BAZ2B: variants seen among roughly 807,000 people sequenced by gnomAD.
The protein encoded by BAZ2B is bromodomain adjacent to zinc finger domain 2B, also known as bromodomain adjacent to zinc finger domain protein 2B.
In BAZ2B, 91 loss-of-function variants were observed where a neutral mutation model predicts 246.0. The observed-to-expected ratio is 0.37, with a 90% CI of 0.31 to 0.44. The LOEUF (loss-of-function observed/expected upper bound fraction) is 0.44. Ranked by LOEUF, BAZ2B falls within the 20% of genes least tolerant of loss-of-function variation. The pLI, the probability that BAZ2B is intolerant of heterozygous loss-of-function variation, is 1.00. For missense variants in BAZ2B, 2,332 were observed against 2,533.7 expected (o/e 0.92, Z 1.71); for synonymous variants, 855 against 860.0 (o/e 0.99, Z 0.10).
intron 3 of BAZ2B, among the ~76,000 whole-genome samples, chr2:159,474,170 C>T (rs756348295): frequency 4.6e-5 from 7 of 152,110 alleles, no homozygotes; most frequent in Non-Finnish European, 1.0e-4. Context: ...TTAAGTCATC[C>T]ACTGTTACTG....
the BAZ2B span, among the ~76,000 whole-genome samples, chr2:159,644,192 T>C: frequency 6.6e-6 from 1 of 152,344 alleles, no homozygotes; most frequent in Middle Eastern, 3.4e-3. Flanking sequence ...GCTATGAACT[T>C]GTGAAACCAG....
chr2:159,561,740 A>G (rs1051329004), intron 1 of BAZ2B, among the ~76,000 whole-genome samples: 1 of 152,174 alleles, frequency 6.6e-6, no homozygotes, highest in African/African-American at 2.4e-5. Context: ...TATTTTCTCC[A>G]TTTTTTATAA....
chr2:159,396,937 T>C, intron 19 of BAZ2B: 1 of 478,290 alleles, frequency 2.1e-6, no homozygotes, highest in Non-Finnish European at 3.3e-6. Flanking sequence ...ATGTATGCAA[T>C]GCACTGTGCT....
Position 159,348,965 on chromosome 2 carries a change from T to C in BAZ2B, c.5137+42A>G, listed in dbSNP as rs755477775. 5 of 1,598,202 alleles carry C rather than the reference T, an allele frequency of 3.1e-6. No individual in the cohort carries two copies. In the African/African-American group the frequency reaches 6.7e-5, roughly 22 times the overall value. ...GTTATAATACAGGAATCCATAATAT[T>C]GAAATTGAGTAAGTGGCTGTAAACC... On this transcript the variant is annotated intron_variant, in intron 29 of 36. Transcript: ENST00000392783.
the BAZ2B span, among the ~76,000 whole-genome samples, chr2:159,675,503 C>G: frequency 6.6e-6 from 1 of 152,032 alleles, no homozygotes; most frequent in East Asian, 1.9e-4. Flanking sequence ...GGAAACCTCT[C>G]CAGTTATAGA....
At chr2:159,448,860 A>G (rs781240030) in intron 4 of BAZ2B, among the ~76,000 whole-genome samples, 1 of 152,192 alleles carries the variant, frequency 6.6e-6, no homozygotes, top group South Asian at 2.1e-4. Flanking sequence ...AGTCTAAATA[A>G]TAATATAAGA....
intron 1 of BAZ2B, among the ~76,000 whole-genome samples, chr2:159,568,387 T>C (rs1683141189): frequency 6.6e-6 from 1 of 152,206 alleles, no homozygotes; most frequent in African/African-American, 2.4e-5. Flanking sequence ...AGAAAAAGCA[T>C]GTAATTTTTT....
At chr2:159,522,726 C>G (rs534672547) in intron 2 of BAZ2B, among the ~76,000 whole-genome samples, 121 of 152,220 alleles carry the variant, frequency 7.9e-4, no homozygotes, top group South Asian at 4.8e-3. Flanking sequence ...ACAGAACGAT[C>G]AATCAATCTA....
intron 5 of BAZ2B, among the ~76,000 whole-genome samples, chr2:159,447,217 T>C (rs1393249710): frequency 1.3e-5 from 2 of 152,188 alleles, no homozygotes; most frequent in Non-Finnish European, 2.9e-5. Flanking sequence ...AACTGCTTAA[T>C]GGGTACAAAG....
In BAZ2B at chr2:159,542,503, G is replaced by A. The variant is rs73008658; in HGVS notation, c.-3+13320C>T. ...ATAAGATTAATAAGCCAGGTGTGCC[G>A]GTACATGCCTGTAGTCCTAGCTATT... On this transcript the variant is annotated intron_variant, in intron 2 of 36. Transcript: ENST00000392783. 8.2e-3 allele frequency among the ~76,000 whole-genome samples: 1,251 copies of A among 152,232 alleles called. 15 individuals carry two copies. The highest frequency in any genetic ancestry group is 0.029 in the African/African-American group (1,197 of 41,530).
chr2:159,638,646 T>C, the BAZ2B span, among the ~76,000 whole-genome samples: 2 of 151,950 alleles, frequency 1.3e-5, no homozygotes, highest in Admixed American at 1.3e-4. Flanking sequence ...GCAGACTTGA[T>C]TAAGCAGAAA....
chr2:159,402,129 T>G (rs1003415745), intron 16 of BAZ2B, among the ~76,000 whole-genome samples: 1 of 152,194 alleles, frequency 6.6e-6, no homozygotes, highest in Non-Finnish European at 1.5e-5. Flanking sequence ...GTACTGAATA[T>G]TAATTGTAGG....
chr2:159,604,553 A>C (rs1020381795), intron 1 of BAZ2B, among the ~76,000 whole-genome samples: 3 of 152,186 alleles, frequency 2.0e-5, no homozygotes, highest in East Asian at 1.9e-4. Flanking sequence ...TAGTTTGAAT[A>C]CTCTCAATAT....
chr2:159,684,320 G>A, the BAZ2B span, among the ~76,000 whole-genome samples: 1 of 152,154 alleles, frequency 6.6e-6, no homozygotes, highest in Non-Finnish European at 1.5e-5. Flanking sequence ...CACTTCTCTT[G>A]AGTAAAACCT....
At chr2:159,650,325 T>C in the BAZ2B span, among the ~76,000 whole-genome samples, 1 of 152,128 alleles carries the variant, frequency 6.6e-6, no homozygotes, top group African/African-American at 2.4e-5. Context: ...GCTTTTTTTC[T>C]GGGTTGCAGT....
chr2:159,596,420 A>G (rs984524903), intron 1 of BAZ2B, among the ~76,000 whole-genome samples: 2 of 152,260 alleles, frequency 1.3e-5, no homozygotes, highest in African/African-American at 4.8e-5. Context: ...AATATAAAAG[A>G]CAATGAAGGA....
intron 14 of BAZ2B, among the ~76,000 whole-genome samples, chr2:159,408,480 T>A (rs1303579271): frequency 2.6e-5 from 4 of 152,188 alleles, no homozygotes; most frequent in Non-Finnish European, 5.9e-5. Context: ...GCCAGTAATT[T>A]AAAAAAATAT....
intron 35 of BAZ2B, among the ~76,000 whole-genome samples, chr2:159,325,418 G>A (rs951015347): frequency 2.0e-5 from 3 of 151,142 alleles, no homozygotes; most frequent in Non-Finnish European, 3.0e-5. Flanking sequence ...GGTGTGAGCC[G>A]CTGTGCCAGG....
intron 13 of BAZ2B, among the ~76,000 whole-genome samples, chr2:159,423,176 C>G (rs907423389): frequency 6.6e-6 from 1 of 151,876 alleles, no homozygotes; most frequent in African/African-American, 2.4e-5. Context: ...ATTAGCTGGG[C>G]GCGGTGGCAG....
Sources: allele counts gnomAD v4.1 joint callset (sites outside exome capture counted in the v4.1 genomes callset), GRCh38; gene constraint gnomAD v4.1.1; transcripts MANE v1.5; gene names NCBI Gene and HGNC (gene_info 2026-07-23, HGNC 2026-07-21).